The following TTC27 variants were observed in gnomAD, a reference collection of about 807,000 sequenced individuals.
The protein encoded by TTC27 is tetratricopeptide repeat domain 27, also known as tetratricopeptide repeat protein 27.
A neutral mutation model predicts 115.9 loss-of-function variants in TTC27; 79 were observed. The observed-to-expected ratio is 0.68, with a 90% CI of 0.57 to 0.82. The LOEUF (loss-of-function observed/expected upper bound fraction) is 0.82, where lower values mean the gene tolerates loss of function less well. Ranked by LOEUF, TTC27 falls within the 40% of genes least tolerant of loss-of-function variation. TTC27 has a pLI of 0.00. For missense variants in TTC27, 1,054 were observed against 993.1 expected, an observed-to-expected ratio of 1.06 and a Z score of -0.82; for synonymous variants, 401 against 356.0, an observed-to-expected ratio of 1.13 and a Z score of -1.42.
chr2:32,702,972 C>T (rs1163893426), intron 10 of TTC27, 52 bp downstream of exon 10: 1 of 1,231,090 alleles, frequency 8.1e-7, no homozygotes, highest in South Asian at 1.2e-5. Flanking sequence ...CTATTGCTAT[C>T]AGTAAGCATA....
In TTC27 at chr2:32,704,260, C is replaced by G. The variant is rs541069297; in HGVS notation, c.1233+1340C>G. 3.9e-5 allele frequency among the ~76,000 whole-genome samples: 6 copies of G among 152,086 alleles called. 1 individual carries two copies. The South Asian group carries it at 6.2e-4, about 16-fold the overall frequency. On this transcript the variant is annotated intron_variant, in intron 10 of 19. Coordinates refer to ENST00000317907, the MANE Select transcript of TTC27 (RefSeq NM_017735.5). ...GGAGTGCAGTGGCACAATCTGGGCT[C>G]GCTGCAACCTCTACCTCTGGGGTTC...
At chr2:32,723,970 G>GTTTTTTTTTTTTTTTTT (rs1668025651) in intron 10 of TTC27, among the ~76,000 whole-genome samples, 1 of 66,288 alleles carries the variant, frequency 1.5e-5, no homozygotes, top group Non-Finnish European at 3.1e-5. Context: ...GCATACATAA[G>GTTTTTTTTTTTTTTTTT]CTTTTTTTTT....
intron 5 of TTC27, among the ~76,000 whole-genome samples, chr2:32,658,413 C>T (rs1364245112): frequency 6.6e-6 from 1 of 152,160 alleles, no homozygotes; most frequent in Non-Finnish European, 1.5e-5. Flanking sequence ...CTGTGCCCAG[C>T]CTGAGCTCAA....
intron 2 of TTC27, among the ~76,000 whole-genome samples, chr2:32,631,843 C>T (rs939664758): frequency 4.0e-5 from 6 of 150,530 alleles, no homozygotes; most frequent in Non-Finnish European, 8.9e-5. Flanking sequence ...TGGAGTATCA[C>T]TCTGTTGCCC....
intron 18 of TTC27, 93 bp downstream of exon 18, chr2:32,812,708 A>C: frequency 2.3e-6 from 2 of 870,114 alleles, no homozygotes; most frequent in South Asian, 3.2e-5. Flanking sequence ...TTCCATTATA[A>C]ATAGTATCAA....
At chr2:32,779,914 TA>T (rs1670118145) in intron 14 of TTC27, 1 of 248,754 alleles carries the variant, frequency 4.0e-6, no homozygotes, top group African/African-American at 2.2e-5. Context: ...CTTTTCCTAT[TA>T]ATAGTCTTGT....
intron 13 of TTC27, among the ~76,000 whole-genome samples, chr2:32,771,346 A>G (rs1285501837): frequency 6.6e-6 from 1 of 152,170 alleles, no homozygotes; most frequent in Non-Finnish European, 1.5e-5. Context: ...TTGTTGCCCC[A>G]TTATCTGTAG....
chr2:32,772,914 G>A (rs1279938833), intron 13 of TTC27, among the ~76,000 whole-genome samples: 2 of 152,036 alleles, frequency 1.3e-5, no homozygotes, highest in Non-Finnish European at 2.9e-5. Context: ...TTCACACTTG[G>A]GGAACTGAGA....
chr2:32,662,615 T>A lies in TTC27; in HGVS notation c.641-1688T>A, dbSNP rs111708895. On this transcript the variant is annotated intron_variant, in intron 5 of 19. Coordinates refer to ENST00000317907, the MANE Select transcript of TTC27 (RefSeq NM_017735.5). ...TATTTCTGTGGGATCAGTGGTGATA[T>A]CCCCTTTATCATTTTTTAGTGCACC... Among the ~76,000 whole-genome samples the A allele has an allele frequency of 8.9e-3, 1,350 of 152,306 alleles. 13 individuals are homozygous for A. The highest frequency in any genetic ancestry group is 0.018 in the Admixed American group (275 of 15,292).
In TTC27 at chr2:32,815,300, G is replaced by A. The variant is rs191506304; in HGVS notation, c.2309-2157G>A. On this transcript the variant is annotated intron_variant, in intron 18 of 19. Transcript: ENST00000317907. ...CGCCCAGGCTGGAGTGCAGTGGCGCGATCTCGGCTCACTGCAAGCTTCGCC... is the reference window on the plus strand; with the variant it reads ...CGCCCAGGCTGGAGTGCAGTGGCGCAATCTCGGCTCACTGCAAGCTTCGCC... Among the ~76,000 whole-genome samples the A allele has an allele frequency of 6.2e-3, 826 of 133,048 alleles. 6 individuals carry two copies. Among genetic ancestry groups the A allele is most frequent in the African/African-American group, 0.023 (785 of 34,022 alleles). 87.3% of individuals were successfully genotyped at this position (133,048 alleles called of 152,430 possible). A position where few individuals can be genotyped will look rare whatever the true frequency, so the allele number is the denominator to read the frequency against.
At chr2:32,702,452 C>T (rs1387203932) in intron 9 of TTC27, among the ~76,000 whole-genome samples, 1 of 152,096 alleles carries the variant, frequency 6.6e-6, no homozygotes, top group Non-Finnish European at 1.5e-5. Context: ...TGGATGATTT[C>T]TACTATGTTC....
intron 7 of TTC27, among the ~76,000 whole-genome samples, chr2:32,669,677 G>A (rs1665934493): frequency 2.0e-5 from 3 of 152,044 alleles, no homozygotes; most frequent in Non-Finnish European, 4.4e-5. Context: ...TTGAGGTCAG[G>A]AGTTCGAGAC....
At chr2:32,660,328 C>G (rs1024915600) in intron 5 of TTC27, among the ~76,000 whole-genome samples, 4 of 152,066 alleles carry the variant, frequency 2.6e-5, no homozygotes, top group African/African-American at 9.7e-5. Flanking sequence ...TGAGAAATGT[C>G]TGCTCATATC....
chr2:32,747,274 A>G (rs980869163), intron 12 of TTC27, among the ~76,000 whole-genome samples: 1 of 152,204 alleles, frequency 6.6e-6, no homozygotes, highest in Admixed American at 6.5e-5. Context: ...TTGTATACAG[A>G]TGCTTCTTGA....
chr2:32,767,930 A>G (rs1669695971), intron 13 of TTC27, among the ~76,000 whole-genome samples: 1 of 152,218 alleles, frequency 6.6e-6, no homozygotes, highest in Non-Finnish European at 1.5e-5. Flanking sequence ...TTAAATGTGT[A>G]AACAATGAAT....
Position 32,677,071 on chromosome 2 carries a change from T to C in TTC27, c.1053-1785T>C, listed in dbSNP as rs369116534. ...CCTTTTAAAAAAAATTTTAATTTCATGTTTTGTATGCTTGTAAGTCAGTTG... is the reference window on the plus strand; with the variant it reads ...CCTTTTAAAAAAAATTTTAATTTCACGTTTTGTATGCTTGTAAGTCAGTTG... On this transcript the variant is annotated intron_variant, in intron 8 of 19. Coordinates refer to ENST00000317907, the MANE Select transcript of TTC27 (RefSeq NM_017735.5). Among the ~76,000 whole-genome samples the C allele has an allele frequency of 3.7e-4, 57 of 152,232 alleles. No homozygotes were observed. The South Asian group carries it at 0.011, about 29-fold the overall frequency.
At chr2:32,707,332 TC>T (rs1667408932) in intron 10 of TTC27, among the ~76,000 whole-genome samples, 1 of 152,058 alleles carries the variant, frequency 6.6e-6, no homozygotes, top group Non-Finnish European at 1.5e-5. Context: ...GAGAGAGAGC[TC>T]CCTTTTATAA....
At chr2:32,729,006 C>T (rs1162296410) in intron 10 of TTC27, among the ~76,000 whole-genome samples, 1 of 152,078 alleles carries the variant, frequency 6.6e-6, no homozygotes, top group African/African-American at 2.4e-5. Context: ...TACACACACA[C>T]ACACACACAC....
At chr2:32,736,579 T>C in intron 11 of TTC27, 115 bp from the exon 12 acceptor site, 2 of 1,090,666 alleles carry the variant, frequency 1.8e-6, no homozygotes, top group South Asian at 3.1e-5. Flanking sequence ...GTAGAATTTA[T>C]ACATTTATTA....
Sources: allele counts gnomAD v4.1 joint callset (sites outside exome capture counted in the v4.1 genomes callset), GRCh38; gene constraint gnomAD v4.1.1; transcripts MANE v1.5; gene names NCBI Gene and HGNC (gene_info 2026-07-23, HGNC 2026-07-21).